The following ATP11B variants were observed in gnomAD, a reference collection of about 807,000 sequenced individuals.
ATP11B encodes phospholipid-transporting ATPase IF.
In ATP11B, 81 loss-of-function variants were observed where a neutral mutation model predicts 157.8. The ratio of observed to expected loss-of-function variants is 0.51; its 90% CI spans 0.43 to 0.62. ATP11B has a LOEUF of 0.62. Ranked by LOEUF, ATP11B falls within the 20% of genes least tolerant of loss-of-function variation. The probability of loss-of-function intolerance (pLI) is 0.00; values close to 1 mark genes in which losing one functional copy is unlikely to be tolerated. For missense variants in ATP11B, 1,165 were observed against 1,402.2 expected, an observed-to-expected ratio of 0.83 and a Z score of 2.70; for synonymous variants, 451 against 469.4, an observed-to-expected ratio of 0.96 and a Z score of 0.51.
chr3:182,862,653 T>A (rs891577574), intron 12 of ATP11B, among the ~76,000 whole-genome samples: 1 of 152,210 alleles, frequency 6.6e-6, no homozygotes, highest in East Asian at 1.9e-4. Flanking sequence ...CTGGTAGGTC[T>A]ACTTCCTGAG....
Position 182,921,349 on chromosome 3 carries a change from T to C in ATP11B, c.*3245T>C. ...AAGTAAAACACTATTAAAGTGCTGTTTTATGTGAAATAACTTGAATGTTGT... is the reference window on the plus strand; with the variant it reads ...AAGTAAAACACTATTAAAGTGCTGTCTTATGTGAAATAACTTGAATGTTGT... On this transcript the variant is annotated 3_prime_UTR_variant, in exon 30 of 30. Coordinates refer to ENST00000323116, the MANE Select transcript of ATP11B (RefSeq NM_014616.3). The C allele has an allele frequency of 6.6e-6, 1 of 152,230 alleles. No individual in the cohort carries two copies. Among genetic ancestry groups the C allele is most frequent in the East Asian group, 1.9e-4 (1 of 5,206 alleles). 9.4% of individuals were successfully genotyped at this position (152,230 alleles called of 1,614,324 possible). A position where few individuals can be genotyped will look rare whatever the true frequency, so the allele number is the denominator to read the frequency against.
Position 182,898,780 on chromosome 3 carries a change from C to G in ATP11B, c.3318+8C>G, listed in dbSNP as rs904601293. 8 of 1,480,220 alleles carry G rather than the reference C, an allele frequency of 5.4e-6. No individual in the cohort carries two copies. Among genetic ancestry groups the G allele is most frequent in the Non-Finnish European group, 7.2e-6 (8 of 1,113,618 alleles). 91.7% of individuals were successfully genotyped at this position (1,480,220 alleles called of 1,614,324 possible). A position where few individuals can be genotyped will look rare whatever the true frequency, so the allele number is the denominator to read the frequency against. On this transcript the variant is annotated splice_region_variant and intron_variant, in intron 28 of 29. Transcript: ENST00000323116. ...AGTACTGAAAAGGCACAGGTAACCA[C>G]TTTTTATAATAAATTCAATATCTTT... is the stretch of plus-strand genomic sequence containing the variant.
chr3:182,829,010 T>C (rs888522836), intron 3 of ATP11B, among the ~76,000 whole-genome samples: 10 of 152,040 alleles, frequency 6.6e-5, no homozygotes, highest in Non-Finnish European at 1.0e-4. Context: ...ATTTACTTTT[T>C]AAAAAGAAAA....
intron 2 of ATP11B, among the ~76,000 whole-genome samples, chr3:182,825,885 AG>A (rs1184251274): frequency 6.6e-6 from 1 of 152,268 alleles, no homozygotes; most frequent in Admixed American, 6.5e-5. Context: ...GGGCAGACAG[AG>A]TGAGACTGTC....
At chr3:182,831,202 A>G (rs373249065) in intron 4 of ATP11B, among the ~76,000 whole-genome samples, 1 of 152,178 alleles carries the variant, frequency 6.6e-6, no homozygotes, top group East Asian at 1.9e-4. Flanking sequence ...CTATACTACT[A>G]GTTCTTGTTA....
intron 7 of ATP11B, among the ~76,000 whole-genome samples, chr3:182,837,764 T>G (rs1718667229): frequency 6.6e-6 from 1 of 152,094 alleles, no homozygotes; most frequent in Non-Finnish European, 1.5e-5. Context: ...GTTTGTTAGA[T>G]TTTTAAAGAT....
In ATP11B at chr3:182,880,941, T is replaced by A. The variant is rs1722379762; in HGVS notation, c.2469T>A (p.Ala823=). 5 of 1,602,478 alleles carry A rather than the reference T, an allele frequency of 3.1e-6. No homozygotes were observed. The South Asian group carries it at 4.5e-5, about 14-fold the overall frequency. ...KPITLAVGDG[A]NDVSMIQEAH... ...TAACATTGGCTGTTGGTGATGGTGC[T>A]AATGACGTAAGCATGATACAAGAAG... is the stretch of plus-strand genomic sequence containing the variant. The change falls in exon 21 of 30, where the codon GCT becomes GCA. Residue 823 remains alanine, a synonymous_variant. Coordinates refer to ENST00000323116, the MANE Select transcript of ATP11B (RefSeq NM_014616.3).
chr3:182,916,651 G>C, intron 29 of ATP11B: 1 of 983,538 alleles, frequency 1.0e-6, no homozygotes, highest in African/African-American at 1.7e-5. Flanking sequence ...AAAGTAATAT[G>C]TAGTTCAAGT....
At chr3:182,823,982 A>G (rs1384016304) in intron 2 of ATP11B, among the ~76,000 whole-genome samples, 2 of 152,132 alleles carry the variant, frequency 1.3e-5, no homozygotes, top group Non-Finnish European at 2.9e-5. Flanking sequence ...GGTCTTTTGC[A>G]GCAGGTCCCC....
At chr3:182,865,104 C>T (rs1184150170) in intron 12 of ATP11B, among the ~76,000 whole-genome samples, 2 of 152,222 alleles carry the variant, frequency 1.3e-5, no homozygotes. Flanking sequence ...GCATCCTTTC[C>T]ACCCTGCTTT....
At chr3:182,825,178 C>T (rs1408093652) in intron 2 of ATP11B, among the ~76,000 whole-genome samples, 8 of 152,138 alleles carry the variant, frequency 5.3e-5, no homozygotes, top group African/African-American at 1.9e-4. Flanking sequence ...AAATGTTCTC[C>T]CTTATTTGCC....
intron 13 of ATP11B, 58 bp downstream of exon 13, chr3:182,865,756 G>A: frequency 7.1e-7 from 1 of 1,398,912 alleles, no homozygotes; most frequent in Non-Finnish European, 9.7e-7. Context: ...CTCTTCAGTA[G>A]TTGATGAGTT....
intron 1 of ATP11B, among the ~76,000 whole-genome samples, chr3:182,797,806 A>C (rs1715724481): frequency 6.6e-6 from 1 of 152,216 alleles, no homozygotes; most frequent in South Asian, 2.1e-4. Context: ...AAGTAAAATA[A>C]ATTTTTGGAA....
chr3:182,846,954 C>T (rs1719579006), intron 9 of ATP11B, among the ~76,000 whole-genome samples: 1 of 150,738 alleles, frequency 6.6e-6, no homozygotes, highest in Non-Finnish European at 1.5e-5. Flanking sequence ...TGTTTTTCCA[C>T]AATTAAAAAG....
At chr3:182,822,706 A>G (rs1717446473) in intron 2 of ATP11B, among the ~76,000 whole-genome samples, 1 of 152,220 alleles carries the variant, frequency 6.6e-6, no homozygotes, top group Non-Finnish European at 1.5e-5. Flanking sequence ...GTCTTCCACA[A>G]TCGTTGAACT....
At chr3:182,819,290 C>T (rs1717175420) in intron 1 of ATP11B, among the ~76,000 whole-genome samples, 1 of 152,018 alleles carries the variant, frequency 6.6e-6, no homozygotes, top group African/African-American at 2.4e-5. Flanking sequence ...CCAGGATGGT[C>T]TCGATCTCCT....
intron 1 of ATP11B, among the ~76,000 whole-genome samples, chr3:182,804,371 G>A (rs563439114): frequency 2.0e-5 from 3 of 151,398 alleles, no homozygotes; most frequent in African/African-American, 7.3e-5. Flanking sequence ...TCAGCCTCCC[G>A]AGTAGCTGGG....
chr3:182,871,354 G>A lies in ATP11B; in HGVS notation c.1867-1002G>A, dbSNP rs528078043. 2.6e-5 allele frequency among the ~76,000 whole-genome samples: 4 copies of A among 152,304 alleles called. No individual in the cohort carries two copies. In the East Asian group the frequency reaches 7.7e-4, roughly 29 times the overall value. On this transcript the variant is annotated intron_variant, in intron 17 of 29. Coordinates refer to ENST00000323116, the MANE Select transcript of ATP11B (RefSeq NM_014616.3). ...TTCTTGAGGAAAATGCATGTAGCAAGAAAAGGAACTTTTATAAGTCTTTAG... is the reference window on the plus strand; with the variant it reads ...TTCTTGAGGAAAATGCATGTAGCAAAAAAAGGAACTTTTATAAGTCTTTAG...
At chr3:182,870,261 G>A (rs1280956912) in intron 17 of ATP11B, among the ~76,000 whole-genome samples, 2 of 152,176 alleles carry the variant, frequency 1.3e-5, no homozygotes, top group African/African-American at 2.4e-5. Flanking sequence ...GGGGAATCTT[G>A]TTAAAACAAA....
Sources: gnomAD v4.1 joint callset for allele counts (sites outside exome capture counted in the v4.1 genomes callset) on GRCh38, gnomAD v4.1.1 for gene constraint, MANE v1.5 for transcripts, NCBI Gene and HGNC (gene_info 2026-07-23, HGNC 2026-07-21) for gene names.